Variants in GPATCH2L observed in about 807,000 individuals in gnomAD.
GPATCH2L encodes the protein G patch domain-containing protein 2-like.
GPATCH2L carries 31 observed loss-of-function variants against 57.4 expected under a neutral mutation model. That is an observed-to-expected ratio of 0.54 (90% CI 0.41 to 0.73). The LOEUF is 0.73. Ranked by LOEUF, GPATCH2L falls within the 30% of genes least tolerant of loss-of-function variation. The pLI is 0.00. For synonymous variants in GPATCH2L, 199 were observed against 210.7 expected (o/e 0.94, Z 0.48); for missense variants, 481 against 599.9 (o/e 0.80, Z 2.07).
At chr14:76,235,352 A>G (rs528362371) in intron 2 of GPATCH2L, among the ~76,000 whole-genome samples, 2 of 152,196 alleles carry the variant, frequency 1.3e-5, no homozygotes, top group South Asian at 2.1e-4. Flanking sequence ...AGTTTTCCCC[A>G]TACTGTTCTT....
At chr14:76,162,141 G>A (rs2038618997) in intron 2 of GPATCH2L, among the ~76,000 whole-genome samples, 1 of 152,004 alleles carries the variant, frequency 6.6e-6, no homozygotes, top group Admixed American at 6.5e-5. Flanking sequence ...GTCTTCTCAC[G>A]AGGTTATAGT....
intron 8 of GPATCH2L, among the ~76,000 whole-genome samples, chr14:76,195,365 A>C (rs576140564): frequency 6.8e-4 from 104 of 152,322 alleles, no homozygotes; most frequent in African/African-American, 2.3e-3. Context: ...TGTAAAATAA[A>C]AAGCATAATT....
At position 76,207,995 on chromosome 14, in the gene GPATCH2L, G is replaced by A. The variant is rs765754217; in HGVS notation, c.*6144G>A. 3 of 152,170 alleles carry A rather than the reference G, an allele frequency of 2.0e-5. No homozygotes were observed. The highest frequency in any genetic ancestry group is 4.4e-5 in the Non-Finnish European group (3 of 68,038). 9.4% of individuals were successfully genotyped at this position (152,170 alleles called of 1,614,324 possible). A position where few individuals can be genotyped will look rare whatever the true frequency, so the allele number is the denominator to read the frequency against. On this transcript the variant is annotated 3_prime_UTR_variant, in exon 10 of 10. Coordinates refer to ENST00000261530, the MANE Select transcript of GPATCH2L (RefSeq NM_017926.4). ...AGTTCTCATTTCCTCAGATGCTCATGTCTGTAGGCTGTTAAGCTCTCATTT... is the reference window on the plus strand; with the variant it reads ...AGTTCTCATTTCCTCAGATGCTCATATCTGTAGGCTGTTAAGCTCTCATTT...
At chr14:76,152,633 T>A in intron 1 of GPATCH2L, 1 of 455,872 alleles carries the variant, frequency 2.2e-6, no homozygotes, top group South Asian at 1.5e-5. Flanking sequence ...CGACTGGAGA[T>A]GGGGAGTTCT....
At chr14:76,156,917 T>A (rs954085817) in intron 2 of GPATCH2L, among the ~76,000 whole-genome samples, 3 of 152,232 alleles carry the variant, frequency 2.0e-5, no homozygotes, top group Non-Finnish European at 1.5e-5. Context: ...CTAGTCAGGA[T>A]GTAATAATGT....
At chr14:76,192,659 C>T (rs2040016930) in intron 8 of GPATCH2L, among the ~76,000 whole-genome samples, 1 of 152,030 alleles carries the variant, frequency 6.6e-6, no homozygotes, top group Non-Finnish European at 1.5e-5. Flanking sequence ...TCACTATATC[C>T]CTAGTGTTTA....
At position 76,204,205 on chromosome 14, in the gene GPATCH2L, G is replaced by A. The variant is rs1049378796; in HGVS notation, c.*2354G>A. 6.6e-6 allele frequency: 1 copy of A among 152,128 alleles called. No individual in the cohort carries two copies. Among genetic ancestry groups the A allele is most frequent in the East Asian group, 1.9e-4 (1 of 5,192 alleles). The allele number at this position is 152,128 out of a possible 1,614,324, so 9.4% of individuals were successfully genotyped here. A position where few individuals can be genotyped will look rare whatever the true frequency, so the allele number is the denominator to read the frequency against. ...TCTCTTGTTTTTCAGTGATAGACCTGAGTCAGTCTGAGATGCTTATTTATG... is the reference window on the plus strand; with the variant it reads ...TCTCTTGTTTTTCAGTGATAGACCTAAGTCAGTCTGAGATGCTTATTTATG... On this transcript the variant is annotated 3_prime_UTR_variant, in exon 10 of 10. Transcript: ENST00000261530.
intron 5 of GPATCH2L, 88 bp from the exon 6 acceptor site, chr14:76,176,535 C>A: frequency 1.1e-6 from 1 of 909,532 alleles, no homozygotes; most frequent in Non-Finnish European, 1.8e-6. Context: ...GTTGCCTTAG[C>A]TGGCACAGTT....
chr14:76,158,895 A>G (rs2038437615), intron 2 of GPATCH2L, among the ~76,000 whole-genome samples: 1 of 152,234 alleles, frequency 6.6e-6, no homozygotes, highest in South Asian at 2.1e-4. Flanking sequence ...ATCTCTTGAA[A>G]GAAACATCCA....
chr14:76,182,913 C>A (rs927029666), intron 8 of GPATCH2L, among the ~76,000 whole-genome samples: 2 of 152,166 alleles, frequency 1.3e-5, no homozygotes, highest in African/African-American at 4.8e-5. Flanking sequence ...GGATTTTAAT[C>A]CATAGGAAAA....
chr14:76,235,355 C>T (rs987662770), intron 2 of GPATCH2L, among the ~76,000 whole-genome samples: 3 of 152,100 alleles, frequency 2.0e-5, no homozygotes. Flanking sequence ...TTTCCCCATA[C>T]TGTTCTTGTG....
chr14:76,194,815 G>A (rs974810591), intron 8 of GPATCH2L, among the ~76,000 whole-genome samples: 14 of 152,032 alleles, frequency 9.2e-5, no homozygotes, highest in African/African-American at 2.9e-4. Flanking sequence ...GTGTTCAAGT[G>A]GCCATTTGAT....
chr14:76,230,967 C>G (rs1051002050), intron 2 of GPATCH2L, among the ~76,000 whole-genome samples: 1 of 152,192 alleles, frequency 6.6e-6, no homozygotes, highest in South Asian at 2.1e-4. Context: ...AAATAGTGGC[C>G]TGTGCCATGT....
At position 76,202,346 on chromosome 14, in the gene GPATCH2L, T is replaced by G. The variant is rs1353887058; in HGVS notation, c.*495T>G. 3 of 152,880 alleles carry G rather than the reference T, an allele frequency of 2.0e-5. No individual in the cohort carries two copies. The highest frequency in any genetic ancestry group is 2.9e-5 in the Non-Finnish European group (2 of 68,104). The allele number at this position is 152,880 out of a possible 1,614,324, so 9.5% of individuals were successfully genotyped here. A position where few individuals can be genotyped will look rare whatever the true frequency, so the allele number is the denominator to read the frequency against. ...TGCCTTTGAGCCTACTCTTGATTCA[T>G]GCAGAGTGCCAATAAGATAAATCAA... On this transcript the variant is annotated 3_prime_UTR_variant, in exon 10 of 10. Coordinates refer to ENST00000261530, the MANE Select transcript of GPATCH2L (RefSeq NM_017926.4).
rs966175757 is a variant in GPATCH2L, at chr14:76,214,278, T to C, written c.*12427T>C. ...GCCTTTTAGCAGTGTTTTAAAATTA[T>C]CCTTGTGTAGGTTTTGTGCATTTCT... On this transcript the variant is annotated 3_prime_UTR_variant, in exon 10 of 10. Coordinates refer to ENST00000261530, the MANE Select transcript of GPATCH2L (RefSeq NM_017926.4). 6.6e-6 allele frequency: 1 copy of C among 152,240 alleles called. No individual in the cohort carries two copies. The highest frequency in any genetic ancestry group is 1.5e-5 in the Non-Finnish European group (1 of 68,038). The allele number at this position is 152,240 out of a possible 1,614,324, so 9.4% of individuals were successfully genotyped here. A position where few individuals can be genotyped will look rare whatever the true frequency, so the allele number is the denominator to read the frequency against.
intron 2 of GPATCH2L, among the ~76,000 whole-genome samples, chr14:76,231,775 G>A (rs980543545): frequency 6.6e-6 from 1 of 151,992 alleles, no homozygotes; most frequent in Non-Finnish European, 1.5e-5. Flanking sequence ...CTACTCATTG[G>A]CATTTTGTTA....
At chr14:76,187,614 T>C (rs1288606033) in intron 8 of GPATCH2L, among the ~76,000 whole-genome samples, 1 of 152,152 alleles carries the variant, frequency 6.6e-6, no homozygotes, top group East Asian at 1.9e-4. Flanking sequence ...AGTAGGTGTA[T>C]ATACTTATGG....
chr14:76,177,627 G>T (rs2039385157), intron 6 of GPATCH2L, among the ~76,000 whole-genome samples: 3 of 151,056 alleles, frequency 2.0e-5, no homozygotes, highest in Admixed American at 2.0e-4. Context: ...TGGTGTCACA[G>T]TGTAATCTTG....
At chr14:76,177,523 A>T (rs2039379106) in intron 6 of GPATCH2L, among the ~76,000 whole-genome samples, 1 of 150,464 alleles carries the variant, frequency 6.6e-6, no homozygotes, top group African/African-American at 2.5e-5. Context: ...TACACATCCA[A>T]CTCGGGCTAA....
Sources: gnomAD v4.1 joint callset for allele counts (sites outside exome capture counted in the v4.1 genomes callset) on GRCh38, gnomAD v4.1.1 for gene constraint, MANE v1.5 for transcripts, NCBI Gene and HGNC (gene_info 2026-07-23, HGNC 2026-07-21) for gene names.